The following TTC33 variants were observed in gnomAD, a reference collection of about 807,000 sequenced individuals.
TTC33 encodes tetratricopeptide repeat protein 33.
Under a neutral mutation model 29.4 loss-of-function variants are expected in TTC33, and 24 were observed. The ratio of observed to expected loss-of-function variants is 0.82; its 90% confidence interval spans 0.59 to 1.15. TTC33 has a LOEUF of 1.15. Among genes scored for constraint, TTC33 ranks in the 50% most tolerant of loss-of-function variants. The probability of loss-of-function intolerance (pLI) is 0.00; values close to 1 mark genes in which losing one functional copy is unlikely to be tolerated. For synonymous variants in TTC33, 107 were observed against 100.3 expected (o/e 1.07, Z -0.40); for missense variants, 286 against 310.4 (o/e 0.92, Z 0.59).
intron 4 of TTC33, among the ~76,000 whole-genome samples, chr5:40,717,987 G>A (rs541459933): frequency 6.6e-5 from 10 of 151,592 alleles, no homozygotes; most frequent in East Asian, 2.0e-4. Flanking sequence ...GCTTGAACTC[G>A]GGAGGCGGAG....
At chr5:40,750,699 T>C (rs1267570660) in intron 1 of TTC33, among the ~76,000 whole-genome samples, 13 of 152,214 alleles carry the variant, frequency 8.5e-5, no homozygotes, top group Non-Finnish European at 1.0e-4. Context: ...TTAGAGTCGA[T>C]ACTGTCAAAC....
rs561737495 is a variant in TTC33, at chr5:40,714,776, C to T, written c.*1369G>A. 6.6e-6 allele frequency: 1 copy of T among 152,170 alleles called. No individual in the cohort carries two copies. Among genetic ancestry groups the T allele is most frequent in the South Asian group, 2.1e-4 (1 of 4,806 alleles). The allele number at this position is 152,170 out of a possible 1,614,324, so 9.4% of individuals were successfully genotyped here. A position where few individuals can be genotyped will look rare whatever the true frequency, so the allele number is the denominator to read the frequency against. On this transcript the variant is annotated 3_prime_UTR_variant, in exon 5 of 5. Coordinates refer to ENST00000337702, the MANE Select transcript of TTC33 (RefSeq NM_012382.3). ...CCAATAAAACAAAAGTTTTAAAAAC[C>T]ATCTTCATAAAAAATGTAGATCATT...
chr5:40,738,609 A>AAAAT (rs1742624600), intron 2 of TTC33, among the ~76,000 whole-genome samples: 3 of 128,290 alleles, frequency 2.3e-5, no homozygotes, highest in African/African-American at 2.7e-5. Flanking sequence ...TAAAATAAAA[A>AAAAT]AGTGAAACAA....
chr5:40,722,137 G>T lies in TTC33; in HGVS notation c.436-5639C>A, dbSNP rs371168017. On this transcript the variant is annotated intron_variant, in intron 4 of 4. Transcript: ENST00000337702. ...GGAGAACCGCTTAAACCCGGGAGGC[G>T]GAGGTTGCAGTGAGCCGAGATCGCA... is the stretch of plus-strand genomic sequence containing the variant. Among the ~76,000 whole-genome samples the T allele has an allele frequency of 4.6e-5, 7 of 151,436 alleles. No homozygotes were observed. In the East Asian group the frequency reaches 1.2e-3, roughly 25 times the overall value.
intron 2 of TTC33, among the ~76,000 whole-genome samples, chr5:40,732,904 G>A (rs562363084): frequency 9.2e-5 from 14 of 152,096 alleles, no homozygotes; most frequent in South Asian, 4.1e-4. Context: ...CACCGCGCCC[G>A]GCCTAATATA....
chr5:40,717,153 C>T (rs1033103624), intron 4 of TTC33, among the ~76,000 whole-genome samples: 4 of 144,104 alleles, frequency 2.8e-5, no homozygotes, highest in South Asian at 2.2e-4. Context: ...CGCTTGAACC[C>T]GGGAGACAGA....
chr5:40,748,856 C>T (rs962586911), intron 1 of TTC33, among the ~76,000 whole-genome samples: 3 of 152,134 alleles, frequency 2.0e-5, no homozygotes, highest in Admixed American at 2.0e-4. Flanking sequence ...AGATGCTGGC[C>T]GGGCACGGTG....
intron 1 of TTC33, 140 bp from the exon 2 acceptor site, chr5:40,747,159 G>A: frequency 1.4e-6 from 1 of 691,686 alleles, no homozygotes; most frequent in Non-Finnish European, 2.4e-6. Flanking sequence ...CCCGGGTTAA[G>A]TGATTCTCCT....
At chr5:40,730,957 T>C (rs1285642027) in intron 2 of TTC33, among the ~76,000 whole-genome samples, 2 of 152,292 alleles carry the variant, frequency 1.3e-5, no homozygotes, top group African/African-American at 2.4e-5. Flanking sequence ...TGTGGTGCCA[T>C]CATCTACTAA....
In TTC33 at chr5:40,713,376, A is replaced by C. The variant is rs1442800707; in HGVS notation, c.*2769T>G. Among the ~76,000 whole-genome samples, 2 of 152,202 alleles carry C rather than the reference A, an allele frequency of 1.3e-5. No homozygotes were observed. Among genetic ancestry groups the C allele is most frequent in the Non-Finnish European group, 2.9e-5 (2 of 68,018 alleles). On this transcript the variant is annotated 3_prime_UTR_variant, in exon 5 of 5. Transcript: ENST00000337702. The stretch of plus-strand genomic sequence containing the variant: ...TAAAAGGGCTATACTGTTCAGTTAT[A>C]ATCTTAAAAATTCTAGCTGAGACAG...
At chr5:40,731,566 G>A (rs548114494) in intron 2 of TTC33, among the ~76,000 whole-genome samples, 1 of 152,338 alleles carries the variant, frequency 6.6e-6, no homozygotes, top group African/African-American at 2.4e-5. Flanking sequence ...AATGAGCGCT[G>A]AGCAAACAGG....
chr5:40,722,835 C>T (rs987240302), intron 4 of TTC33, among the ~76,000 whole-genome samples: 5 of 151,382 alleles, frequency 3.3e-5, no homozygotes, highest in African/African-American at 7.3e-5. Context: ...AGCCCCCACC[C>T]GGCCAGCTGC....
intron 2 of TTC33, among the ~76,000 whole-genome samples, chr5:40,731,633 T>C (rs1272908214): frequency 6.6e-6 from 1 of 152,172 alleles, no homozygotes; most frequent in African/African-American, 2.4e-5. Flanking sequence ...GAGACCAGCA[T>C]GGCAGAAACT....
intron 2 of TTC33, among the ~76,000 whole-genome samples, chr5:40,735,739 G>A (rs1386918791): frequency 6.6e-6 from 1 of 152,240 alleles, no homozygotes; most frequent in Non-Finnish European, 1.5e-5. Flanking sequence ...GCATGGTGGT[G>A]TGGAAGATGA....
chr5:40,748,046 C>T (rs1742830301), intron 1 of TTC33, among the ~76,000 whole-genome samples: 1 of 152,106 alleles, frequency 6.6e-6, no homozygotes, highest in Admixed American at 6.5e-5. Flanking sequence ...AGGCTGGTCT[C>T]AAACTCCTGA....
chr5:40,731,771 C>T (rs971645166), intron 2 of TTC33, among the ~76,000 whole-genome samples: 1 of 152,142 alleles, frequency 6.6e-6, no homozygotes, highest in African/African-American at 2.4e-5. Context: ...CTTCCTACTC[C>T]TCTTCATCTA....
intron 2 of TTC33, among the ~76,000 whole-genome samples, chr5:40,738,519 A>C (rs145453399): frequency 0.2 from 12,836 of 65,140 alleles, 1,430 homozygotes; most frequent in East Asian, 0.31. Context: ...AAATACAATA[A>C]AATAAAATAC....
Position 40,716,488 on chromosome 5 carries a change from C to G in TTC33, c.446G>C (p.Ser149Thr). The G allele has an allele frequency of 1.3e-6, 2 of 1,585,912 alleles. No homozygotes were observed. The highest frequency in any genetic ancestry group is 1.7e-6 in the Non-Finnish European group (2 of 1,169,232). ...ATAGATGTGAAGGGCTACTTGAAAA[C>G]TTCGAATTGCCTAGAAAATAAGGTC... ...GLGEIILAIR[S>T]FQVALHIYPM... The change falls in exon 5 of 5, where the codon AGT becomes ACT. Residue 149 changes from serine to threonine, a missense_variant. Physicochemically the swap from Ser to Thr is moderately conservative, Grantham distance 58. Transcript: ENST00000337702.
intron 2 of TTC33, among the ~76,000 whole-genome samples, chr5:40,732,711 C>T (rs781720258): frequency 2.4e-4 from 37 of 152,010 alleles, no homozygotes; most frequent in Non-Finnish European, 4.4e-4. Flanking sequence ...CAGGTTCAAG[C>T]GATTCTCCTG....
Sources: allele counts gnomAD v4.1 joint callset (sites outside exome capture counted in the v4.1 genomes callset), GRCh38; gene constraint gnomAD v4.1.1; transcripts MANE v1.5; gene names NCBI Gene and HGNC (gene_info 2026-07-23, HGNC 2026-07-21).